The following TRAF1 variants were observed in gnomAD, a reference collection of about 807,000 sequenced individuals.
The protein encoded by TRAF1 is TNF receptor associated factor 1.
In TRAF1, 23 loss-of-function variants were observed where a neutral mutation model predicts 40.9. The observed-to-expected ratio is 0.56, with a 90% CI of 0.40 to 0.80. The LOEUF (loss-of-function observed/expected upper bound fraction) is 0.80. Among genes scored for constraint, TRAF1 ranks in the 30% least tolerant of loss-of-function variants. TRAF1 has a pLI of 0.00. For synonymous variants in TRAF1, 206 were observed against 218.8 expected, an observed-to-expected ratio of 0.94 and a Z score of 0.52; for missense variants, 477 against 528.7, an observed-to-expected ratio of 0.90 and a Z score of 0.96.
intron 4 of TRAF1, 146 bp downstream of exon 4, chr9:120,914,089 C>A: frequency 4.5e-6 from 3 of 666,498 alleles, no homozygotes; most frequent in Non-Finnish European, 7.0e-6. Flanking sequence ...ATAGTAGGCT[C>A]TGATGCTTGG....
At chr9:120,911,539 A>G in intron 5 of TRAF1, 26 bp from the exon 6 acceptor site, 1 of 1,596,052 alleles carries the variant, frequency 6.3e-7, no homozygotes, top group South Asian at 1.1e-5. Context: ...TTCAGCCAGG[A>G]ACACCAGAAC....
chr9:120,905,446 T>A (rs578108148), intron 7 of TRAF1, among the ~76,000 whole-genome samples: 1 of 152,352 alleles, frequency 6.6e-6, no homozygotes, highest in South Asian at 2.1e-4. Flanking sequence ...CCTGGTATTC[T>A]GAGTGCACTT....
At chr9:120,908,506 T>G (rs934220993) in intron 7 of TRAF1, among the ~76,000 whole-genome samples, 4 of 152,216 alleles carry the variant, frequency 2.6e-5, no homozygotes, top group Non-Finnish European at 5.9e-5. Flanking sequence ...AACAACAATT[T>G]ATTTCTTGGA....
intron 3 of TRAF1, among the ~76,000 whole-genome samples, chr9:120,919,430 C>T (rs1410603975): frequency 6.6e-6 from 1 of 152,158 alleles, no homozygotes; most frequent in Non-Finnish European, 1.5e-5. Flanking sequence ...GACCTGGGGC[C>T]TCCGGGAATG....
intron 3 of TRAF1, among the ~76,000 whole-genome samples, chr9:120,917,179 G>A (rs1179793882): frequency 2.6e-5 from 4 of 152,174 alleles, no homozygotes; most frequent in East Asian, 1.9e-4. Context: ...TCTGTGATGC[G>A]TGTACAGATG....
chr9:120,909,159 A>C, intron 7 of TRAF1, 71 bp downstream of exon 7: 2 of 1,556,944 alleles, frequency 1.3e-6, no homozygotes, highest in Non-Finnish European at 1.7e-6. Context: ...TGGCCAATTC[A>C]TTGCCAAACC....
In TRAF1 at chr9:120,904,780, C is replaced by G. The variant is rs1032776689; in HGVS notation, c.*240G>C. 3.1e-5 allele frequency: 17 copies of G among 551,550 alleles called. No individual in the cohort carries two copies. In the African/African-American group the frequency reaches 3.2e-4, roughly 10 times the overall value. The allele number at this position is 551,550 out of a possible 1,614,324, so 34.2% of individuals were successfully genotyped here. A position where few individuals can be genotyped will look rare whatever the true frequency, so the allele number is the denominator to read the frequency against. ...CACTGGCCTCCCAGTGTCGCATGGT[C>G]CGTGCAGAGGGGAGCAGCTCTGCCT... On this transcript the variant is annotated 3_prime_UTR_variant, in exon 8 of 8. Transcript: ENST00000373887.
Position 120,913,614 on chromosome 9 carries a change from G to T in TRAF1, c.419C>A (p.Ala140Asp). The T allele has an allele frequency of 6.2e-7, 1 of 1,613,872 alleles. No homozygotes were observed. Among genetic ancestry groups the T allele is most frequent in the Non-Finnish European group, 8.5e-7 (1 of 1,179,986 alleles). The change falls in exon 5 of 8, where the codon GCC becomes GAC. Residue 140 changes from alanine (A) to aspartate (D), a missense_variant. By Grantham distance (126) the Ala-to-Asp change is moderately radical (BLOSUM62 -2). Transcript: ENST00000373887. Reference protein sequence around the residue: ...LGCGLESGPMALEQNLSDLQL... With the variant: ...LGCGLESGPMDLEQNLSDLQL... ...CAGGTCTGACAGGTTCTGCTCCAGGGCCATGGGCCCAGACTCCAGGCCACA... is the reference window on the plus strand; with the variant it reads ...CAGGTCTGACAGGTTCTGCTCCAGGTCCATGGGCCCAGACTCCAGGCCACA...
chr9:120,914,780 G>C (rs554306715), intron 3 of TRAF1, among the ~76,000 whole-genome samples: 7 of 152,284 alleles, frequency 4.6e-5, no homozygotes, highest in African/African-American at 1.7e-4. Context: ...ATCCTTGACT[G>C]AGGTGTGTCC....
intron 7 of TRAF1, among the ~76,000 whole-genome samples, chr9:120,905,999 C>CG (rs34049671): frequency 0.44 from 67,121 of 151,682 alleles, 17,568 homozygotes; most frequent in South Asian, 0.69. Context: ...TGGGAACTGC[C>CG]GGGGGTAGGA....
intron 3 of TRAF1, among the ~76,000 whole-genome samples, chr9:120,914,808 C>T (rs2046558274): frequency 6.6e-6 from 1 of 152,204 alleles, no homozygotes; most frequent in South Asian, 2.1e-4. Context: ...ACAACTTTCC[C>T]TTCCAGATAA....
intron 5 of TRAF1, among the ~76,000 whole-genome samples, chr9:120,912,183 G>C (rs1722693072): frequency 6.6e-6 from 1 of 152,180 alleles, no homozygotes; most frequent in African/African-American, 2.4e-5. Flanking sequence ...GAGGGAAAGT[G>C]ACTTGCTCAG....
At chr9:120,923,248 GTGA>G (rs1486260548) in intron 3 of TRAF1, among the ~76,000 whole-genome samples, 45 of 152,300 alleles carry the variant, frequency 3.0e-4, no homozygotes, top group African/African-American at 1.0e-3. Context: ...TAACAATTCT[GTGA>G]TGCAGAAAAC....
chr9:120,914,837 G>A (rs1588150677), intron 3 of TRAF1, among the ~76,000 whole-genome samples: 1 of 152,216 alleles, frequency 6.6e-6, no homozygotes, highest in Non-Finnish European at 1.5e-5. Context: ...CTGAGGGAAG[G>A]GATACAGGAG....
intron 7 of TRAF1, among the ~76,000 whole-genome samples, 157 bp from the exon 8 acceptor site, chr9:120,905,395 A>T (rs2046473369): frequency 6.6e-6 from 1 of 152,188 alleles, no homozygotes; most frequent in Non-Finnish European, 1.5e-5. Flanking sequence ...CCAAGTAAGG[A>T]GCGCACCTGG....
rs753698258 is a variant in TRAF1 at position 120,913,596 on chromosome 9, G to T, written c.437C>A (p.Ser146Ter). 8 of 1,613,836 alleles carry T rather than the reference G, an allele frequency of 5.0e-6. No homozygotes were observed. In the Admixed American group the frequency reaches 1.2e-4, roughly 24 times the overall value. Residue 146 changes from serine (S) to a stop codon, truncating the protein, a stop_gained, in exon 5 of 8, where the codon TCA (serine) becomes TAA (stop). Coordinates refer to ENST00000373887, the MANE Select transcript of TRAF1 (RefSeq NM_005658.5). LOFTEE classifies it high-confidence loss of function. Reference sequence around the variant, plus strand: ...CACGGCTGCCTGCAGCTGCAGGTCTGACAGGTTCTGCTCCAGGGCCATGGG... The same window carrying T: ...CACGGCTGCCTGCAGCTGCAGGTCTTACAGGTTCTGCTCCAGGGCCATGGG... ...SGPMALEQNLSDLQLQAAVEV... is the reference protein window; with the variant it reads ...SGPMALEQNL
At chr9:120,911,229 T>A in intron 6 of TRAF1, 107 bp downstream of exon 6, 1 of 1,336,778 alleles carries the variant, frequency 7.5e-7, no homozygotes, top group Non-Finnish European at 1.0e-6. Flanking sequence ...TGGCCTAAAC[T>A]GGACACAGCG....
Position 120,923,724 on chromosome 9 carries a change from C to T in TRAF1, c.209G>A (p.Arg70His), listed in dbSNP as rs759221945. 42 of 1,614,044 alleles carry T rather than the reference C, an allele frequency of 2.6e-5. No homozygotes were observed. The highest frequency in any genetic ancestry group is 5.3e-5 in the African/African-American group (4 of 74,920). The change falls in exon 3 of 8, where the codon CGT (arginine) becomes CAT (histidine). Residue 70 changes from arginine (R) to histidine (H), a missense_variant. Physicochemically the swap from Arg to His is conservative, Grantham distance 29. Coordinates refer to ENST00000373887, the MANE Select transcript of TRAF1 (RefSeq NM_005658.5). Reference sequence around the variant, plus strand: ...ACGTACCTTCTCCTGAGTTCGAAGACGGCTTCCTGGGCTTATAGACTGGAG... The same window carrying T: ...ACGTACCTTCTCCTGAGTTCGAAGATGGCTTCCTGGGCTTATAGACTGGAG... ...EDLQSISPGS[R>H]LRTQEKAHPE...
intron 3 of TRAF1, among the ~76,000 whole-genome samples, chr9:120,922,681 T>A (rs1002121380): frequency 1.3e-5 from 2 of 152,242 alleles, no homozygotes; most frequent in Admixed American, 1.3e-4. Context: ...CTGATAATGG[T>A]CTCTCCCCAC....
Sources: gnomAD v4.1 joint callset for allele counts (sites outside exome capture counted in the v4.1 genomes callset) on GRCh38, gnomAD v4.1.1 for gene constraint, MANE v1.5 for transcripts, NCBI Gene and HGNC (gene_info 2026-07-23, HGNC 2026-07-21) for gene names.